The following TMIGD2 variants were observed in gnomAD, a reference collection of about 807,000 sequenced individuals.
TMIGD2 encodes the protein transmembrane and immunoglobulin domain containing 2.
TMIGD2 carries 18 observed loss-of-function variants against 22.6 expected under a neutral mutation model. The observed-to-expected ratio is 0.80, with a 90% CI of 0.55 to 1.18. The LOEUF (loss-of-function observed/expected upper bound fraction) is 1.18. Ranked by LOEUF, TMIGD2 falls within the 50% of genes most tolerant of loss-of-function variation. TMIGD2 has a pLI of 0.00. For missense variants in TMIGD2, 361 were observed against 378.2 expected (o/e 0.95, Z 0.38); for synonymous variants, 184 against 154.1 (o/e 1.19, Z -1.44).
chr19:4,293,238 G>A (rs1352728721), intron 4 of TMIGD2, among the ~76,000 whole-genome samples: 2 of 142,942 alleles, frequency 1.4e-5, no homozygotes, highest in African/African-American at 5.3e-5. Context: ...TGGGATTACA[G>A]GCGTGAGCCA....
chr19:4,294,160 C>T (rs1481650291), intron 4 of TMIGD2, among the ~76,000 whole-genome samples: 1 of 150,320 alleles, frequency 6.7e-6, no homozygotes, highest in African/African-American at 2.5e-5. Context: ...CTCTGCCTCC[C>T]GGGTTCAAGC....
rs1239078690 is a variant in TMIGD2 at position 4,297,726 on chromosome 19, G to A, written c.406+260C>T. Among the ~76,000 whole-genome samples the A allele has an allele frequency of 3.3e-5, 5 of 151,970 alleles. No individual in the cohort carries two copies. The East Asian group carries it at 5.8e-4, about 18-fold the overall frequency. On this transcript the variant is annotated intron_variant, in intron 2 of 4. Coordinates refer to ENST00000301272, the Ensembl canonical transcript of TMIGD2. The stretch of plus-strand genomic sequence containing the variant: ...AAAAATTAGCTGGGCGTGCTGGCAC[G>A]TGCCTGTAATCCCAGCTACTTGGGA...
intron 1 of TMIGD2, among the ~76,000 whole-genome samples, chr19:4,300,961 AGTTTTT>A (rs56121229): frequency 0.012 from 1,773 of 151,236 alleles, 35 homozygotes; most frequent in African/African-American, 0.039. Flanking sequence ...GTCCAATTGA[AGTTTTT>A]GTTTTTGTTT....
intron 1 of TMIGD2, among the ~76,000 whole-genome samples, chr19:4,299,127 T>A (rs1301199307): frequency 1.3e-5 from 2 of 152,100 alleles, no homozygotes; most frequent in Non-Finnish European, 2.9e-5. Flanking sequence ...GAAGGCCTCC[T>A]TGAGGTGGTG....
exon 4 of TMIGD2, chr19:4,294,666 G>A: frequency 6.3e-7 from 1 of 1,592,178 alleles, no homozygotes; most frequent in Non-Finnish European, 8.6e-7. Context: ...ACCCCCAGCA[G>A]CACGAAGAGG....
intron 1 of TMIGD2, 36 bp downstream of exon 1, chr19:4,302,304 G>A (rs563226824): frequency 6.4e-7 from 1 of 1,550,608 alleles, no homozygotes; most frequent in Admixed American, 1.9e-5. Flanking sequence ...GACAGCAAGA[G>A]TGGGGTTCAG....
At chr19:4,294,642 C>A in exon 4 of TMIGD2, 1 of 1,604,906 alleles carries the variant, frequency 6.2e-7, no homozygotes, top group Admixed American at 1.7e-5. Flanking sequence ...ATCGCAGCCA[C>A]ACCCATGCTT....
chr19:4,296,812 G>T (rs1971466935), intron 2 of TMIGD2, among the ~76,000 whole-genome samples: 1 of 152,204 alleles, frequency 6.6e-6, no homozygotes, highest in Non-Finnish European at 1.5e-5. Context: ...CTGGACAGAG[G>T]CCCGGGGCCC....
Position 4,295,045 on chromosome 19 carries a change from G to A in TMIGD2, c.407-229C>T, listed in dbSNP as rs182309394. Among the ~76,000 whole-genome samples the A allele has an allele frequency of 2.2e-3, 333 of 152,026 alleles. 4 individuals are homozygous for A. The South Asian group carries it at 0.025, about 11-fold the overall frequency. ...GGAGGCTGAGGCAGGAGGATCACTCGAGGTCAGGAGTTCGAGACCAGCCTG... is the reference window on the plus strand; with the variant it reads ...GGAGGCTGAGGCAGGAGGATCACTCAAGGTCAGGAGTTCGAGACCAGCCTG... On this transcript the variant is annotated intron_variant, in intron 2 of 4. Coordinates refer to ENST00000301272, the Ensembl canonical transcript of TMIGD2.
chr19:4,295,752 A>G (rs1260883716), intron 2 of TMIGD2, among the ~76,000 whole-genome samples: 2 of 152,034 alleles, frequency 1.3e-5, no homozygotes, highest in East Asian at 3.9e-4. Context: ...AGACGGGGAA[A>G]CCGAGGCTCA....
chr19:4,298,607 G>A (rs911496594), intron 1 of TMIGD2, among the ~76,000 whole-genome samples: 5 of 152,178 alleles, frequency 3.3e-5, no homozygotes, highest in East Asian at 1.9e-4. Context: ...GTATGGTGGC[G>A]TGCACCGTGG....
At chr19:4,294,345 G>A (rs1485892614) in intron 4 of TMIGD2, among the ~76,000 whole-genome samples, 5 of 152,110 alleles carry the variant, frequency 3.3e-5, no homozygotes, top group African/African-American at 7.2e-5. Flanking sequence ...ATGAGCCACC[G>A]CGCCCAGCAA....
intron 4 of TMIGD2, among the ~76,000 whole-genome samples, 167 bp downstream of exon 4, chr19:4,294,412 G>C (rs1376253269): frequency 6.6e-6 from 1 of 152,090 alleles, no homozygotes; most frequent in Non-Finnish European, 1.5e-5. Flanking sequence ...TAGGGGCTTT[G>C]TCTCTATTTC....
chr19:4,298,051 G>C, exon 2 of TMIGD2: 1 of 1,613,364 alleles, frequency 6.2e-7, no homozygotes, highest in Admixed American at 1.7e-5. Context: ...CTCTACGGCC[G>C]CCCAGCACAC....
intron 1 of TMIGD2, among the ~76,000 whole-genome samples, chr19:4,300,247 C>T (rs1385831867): frequency 7.2e-6 from 1 of 139,076 alleles, no homozygotes; most frequent in South Asian, 2.3e-4. Flanking sequence ...GGTGACAGAG[C>T]GAGGCTCTGT....
At chr19:4,292,601 A>T in exon 5 of TMIGD2, 2 of 1,611,288 alleles carry the variant, frequency 1.2e-6, no homozygotes, top group Non-Finnish European at 1.7e-6. Context: ...GGGATCTCTC[A>T]CTCCTCTCCC....
intron 2 of TMIGD2, among the ~76,000 whole-genome samples, chr19:4,297,261 T>G (rs1259218676): frequency 1.3e-5 from 2 of 151,430 alleles, no homozygotes; most frequent in African/African-American, 4.9e-5. Context: ...AGAGAGGGGG[T>G]TTTCATCATG....
chr19:4,300,385 C>T (rs374956507), intron 1 of TMIGD2, among the ~76,000 whole-genome samples: 18 of 150,616 alleles, frequency 1.2e-4, no homozygotes, highest in African/African-American at 3.9e-4. Flanking sequence ...GGTGAAACCC[C>T]GTCTCTACTA....
At chr19:4,299,157 T>G (rs916061717) in intron 1 of TMIGD2, among the ~76,000 whole-genome samples, 1 of 152,060 alleles carries the variant, frequency 6.6e-6, no homozygotes, top group East Asian at 1.9e-4. Context: ...TTTTTTAATT[T>G]TTTTTGAGTT....
Sources: gnomAD v4.1 joint callset for allele counts (sites outside exome capture counted in the v4.1 genomes callset) on GRCh38, gnomAD v4.1.1 for gene constraint, MANE v1.5 for transcripts, NCBI Gene and HGNC (gene_info 2026-07-23, HGNC 2026-07-21) for gene names.